Variants in PAG1 observed in about 807,000 individuals in gnomAD.
The protein encoded by PAG1 is phosphoprotein associated with glycosphingolipid-enriched microdomains 1.
A neutral mutation model predicts 31.7 loss-of-function variants in PAG1; 23 were observed. That is an observed-to-expected ratio of 0.73 (90% CI 0.52 to 1.03). The LOEUF (loss-of-function observed/expected upper bound fraction) is 1.03. Ranked by LOEUF, PAG1 falls within the 50% of genes least tolerant of loss-of-function variation. The pLI, the probability that PAG1 is intolerant of heterozygous loss-of-function variation, is 0.00. For synonymous variants in PAG1, 214 were observed against 210.3 expected (o/e 1.02, Z -0.15); for missense variants, 473 against 540.7 (o/e 0.87, Z 1.24).
intron 1 of PAG1, among the ~76,000 whole-genome samples, chr8:81,109,922 G>A (rs561455662): frequency 1.3e-5 from 2 of 152,282 alleles, no homozygotes; most frequent in Admixed American, 6.5e-5. Context: ...GGGTCAATCT[G>A]TTTGAGATTC....
intron 1 of PAG1, among the ~76,000 whole-genome samples, chr8:81,074,084 T>G (rs1054850235): frequency 2.0e-5 from 3 of 152,112 alleles, no homozygotes; most frequent in African/African-American, 7.2e-5. Flanking sequence ...AGCAAGATTA[T>G]TAGCTGAGAA....
chr8:81,032,261 G>C (rs960557927), intron 2 of PAG1, among the ~76,000 whole-genome samples: 17 of 152,058 alleles, frequency 1.1e-4, no homozygotes, highest in Non-Finnish European at 2.1e-4. Flanking sequence ...ACAATATTAA[G>C]AGAATGAAAA....
At chr8:81,105,161 G>T (rs1332962972) in intron 1 of PAG1, among the ~76,000 whole-genome samples, 1 of 152,102 alleles carries the variant, frequency 6.6e-6, no homozygotes, top group Non-Finnish European at 1.5e-5. Context: ...TCCCCTTGGA[G>T]TCAGGCACCC....
intron 3 of PAG1, among the ~76,000 whole-genome samples, chr8:81,019,454 G>A (rs796847860): frequency 1.4e-4 from 22 of 152,342 alleles, no homozygotes; most frequent in African/African-American, 5.0e-4. Flanking sequence ...GTTCTGTGCA[G>A]CCCCGGGACA....
chr8:81,060,750 C>G (rs1294567560), intron 2 of PAG1, among the ~76,000 whole-genome samples: 1 of 152,206 alleles, frequency 6.6e-6, no homozygotes. Flanking sequence ...TAAGAGGTCA[C>G]TACTTCAAAG....
chr8:81,004,009 T>C (rs929434533), intron 3 of PAG1, among the ~76,000 whole-genome samples: 7 of 152,184 alleles, frequency 4.6e-5, no homozygotes, highest in Middle Eastern at 3.2e-3. Context: ...AACATCACCA[T>C]GGTACACCGG....
intron 1 of PAG1, among the ~76,000 whole-genome samples, chr8:81,106,989 TA>T (rs1809703315): frequency 6.6e-6 from 1 of 152,226 alleles, no homozygotes; most frequent in Admixed American, 6.5e-5. Context: ...TCTTTAGATT[TA>T]AATAAACTTA....
At chr8:81,076,203 A>T (rs1809174467) in intron 1 of PAG1, among the ~76,000 whole-genome samples, 2 of 152,250 alleles carry the variant, frequency 1.3e-5, no homozygotes, top group South Asian at 4.1e-4. Context: ...AGGTCAGTTC[A>T]GCAAATGCAA....
At chr8:80,977,664 C>A (rs560167519) in intron 8 of PAG1, among the ~76,000 whole-genome samples, 1 of 152,198 alleles carries the variant, frequency 6.6e-6, no homozygotes, top group African/African-American at 2.4e-5. Context: ...CTCATTCTCG[C>A]TTGCAACCAG....
chr8:80,988,984 T>G (rs1214548389), intron 5 of PAG1, among the ~76,000 whole-genome samples: 3 of 152,222 alleles, frequency 2.0e-5, no homozygotes. Flanking sequence ...TTGCTCCCTG[T>G]TCTTCTCACA....
intron 1 of PAG1, among the ~76,000 whole-genome samples, chr8:81,108,851 T>G (rs1213635200): frequency 6.6e-6 from 1 of 152,336 alleles, no homozygotes; most frequent in East Asian, 1.9e-4. Context: ...AAATTATTTC[T>G]TTTTCTGAAC....
At chr8:80,997,312 C>G (rs2130552335) in intron 3 of PAG1, among the ~76,000 whole-genome samples, 1 of 152,318 alleles carries the variant, frequency 6.6e-6, no homozygotes, top group East Asian at 1.9e-4. Flanking sequence ...GGGTCTTGCT[C>G]TGTCACCTAG....
Position 80,984,894 on chromosome 8 carries a change from T to C in PAG1, c.758A>G (p.Glu253Gly), listed in dbSNP as rs1807382635. 6.2e-7 allele frequency: 1 copy of C among 1,614,066 alleles called. No homozygotes were observed. The highest frequency in any genetic ancestry group is 8.5e-7 in the Non-Finnish European group (1 of 1,180,042). The change falls in exon 7 of 9, where the codon GAA becomes GGA. Residue 253 changes from glutamate to glycine, a missense_variant. By Grantham distance (98) the Glu-to-Gly change is moderately conservative. Transcript: ENST00000220597. Reference protein sequence around the residue: ...ESILGNSCDPEEEAPPPVPVK... With the variant: ...ESILGNSCDPGEEAPPPVPVK... Reference sequence around the variant, plus strand: ...AGGGACAGGTGGTGGGGCCTCCTCTTCTGGATCACATGAATTTCCAAGGAT... The same window carrying C: ...AGGGACAGGTGGTGGGGCCTCCTCTCCTGGATCACATGAATTTCCAAGGAT...
intron 3 of PAG1, among the ~76,000 whole-genome samples, chr8:81,011,299 C>T (rs1408961285): frequency 6.6e-6 from 1 of 152,174 alleles, no homozygotes; most frequent in Non-Finnish European, 1.5e-5. Flanking sequence ...CGGGAGATAA[C>T]TGAATCATGG....
At chr8:81,107,421 A>G (rs375063454) in intron 1 of PAG1, among the ~76,000 whole-genome samples, 33 of 152,272 alleles carry the variant, frequency 2.2e-4, no homozygotes, top group African/African-American at 7.9e-4. Flanking sequence ...AGCTATCACA[A>G]AGGCTCAAAA....
chr8:80,997,528 T>C (rs1481052961), intron 3 of PAG1, among the ~76,000 whole-genome samples: 2 of 152,242 alleles, frequency 1.3e-5, no homozygotes, highest in Non-Finnish European at 2.9e-5. Context: ...GTGCTGGAGT[T>C]ACAGGCATGA....
At chr8:81,052,129 CAA>C (rs769477091) in intron 2 of PAG1, among the ~76,000 whole-genome samples, 40 of 74,116 alleles carry the variant, frequency 5.4e-4, no homozygotes, top group Admixed American at 6.2e-4. Flanking sequence ...GACTCCATCT[CAA>C]AAAAAAAAAA....
chr8:81,080,944 A>C (rs1260201939), intron 1 of PAG1, among the ~76,000 whole-genome samples: 2 of 152,122 alleles, frequency 1.3e-5, no homozygotes, highest in African/African-American at 2.4e-5. Flanking sequence ...CTGCGGAAAG[A>C]TACTTGGATA....
chr8:81,042,592 T>C (rs57877986), intron 2 of PAG1, among the ~76,000 whole-genome samples: 4,696 of 149,230 alleles, frequency 0.031, 89 homozygotes, highest in South Asian at 0.11. Flanking sequence ...AACTTTTTGT[T>C]CAGGCTAGTA....
Sources: allele counts gnomAD v4.1 joint callset (sites outside exome capture counted in the v4.1 genomes callset), GRCh38; gene constraint gnomAD v4.1.1; transcripts MANE v1.5; gene names NCBI Gene and HGNC (gene_info 2026-07-23, HGNC 2026-07-21).